BBOX1: variants seen among roughly 807,000 people sequenced by gnomAD.
The protein encoded by BBOX1 is gamma-butyrobetaine dioxygenase.
Under a neutral mutation model 41.6 loss-of-function variants are expected in BBOX1, and 35 were observed. The observed-to-expected ratio is 0.84, with a 90% CI of 0.64 to 1.11. The LOEUF is 1.11. BBOX1 is among the 50% of genes most tolerant of loss of function. BBOX1 has a pLI of 0.00. For synonymous variants in BBOX1, 163 were observed against 154.7 expected, an observed-to-expected ratio of 1.05 and a Z score of -0.40; for missense variants, 458 against 460.6, an observed-to-expected ratio of 0.99 and a Z score of 0.05.
intron 5 of BBOX1, among the ~76,000 whole-genome samples, chr11:27,100,338 A>G (rs940956739): frequency 2.6e-5 from 4 of 152,080 alleles, no homozygotes; most frequent in African/African-American, 9.7e-5. Flanking sequence ...TGCTTGAGAA[A>G]ACCACCCAGC....
chr11:27,053,527 C>T (rs542250107), intron 2 of BBOX1, among the ~76,000 whole-genome samples: 44 of 152,302 alleles, frequency 2.9e-4, no homozygotes, highest in Admixed American at 9.2e-4. Flanking sequence ...ACATATTTGC[C>T]ATCCCTTGAC....
intron 2 of BBOX1, among the ~76,000 whole-genome samples, chr11:27,044,993 G>C (rs1851448747): frequency 6.6e-6 from 1 of 152,182 alleles, no homozygotes; most frequent in Non-Finnish European, 1.5e-5. Context: ...GATGGGGATA[G>C]CATTGAATCT....
At chr11:27,078,996 T>G (rs1857735134) in intron 4 of BBOX1, among the ~76,000 whole-genome samples, 1 of 152,116 alleles carries the variant, frequency 6.6e-6, no homozygotes, top group South Asian at 2.1e-4. Flanking sequence ...CTGTCTCCCC[T>G]TTTTCTTCTA....
chr11:27,096,089 C>T (rs1366284331), intron 5 of BBOX1, among the ~76,000 whole-genome samples: 1 of 151,892 alleles, frequency 6.6e-6, no homozygotes, highest in Non-Finnish European at 1.5e-5. Context: ...GGTTGAGAAC[C>T]TCTGGCTGAA....
chr11:27,101,501 C>T (rs759894491), intron 5 of BBOX1, among the ~76,000 whole-genome samples: 4 of 152,060 alleles, frequency 2.6e-5, no homozygotes, highest in Non-Finnish European at 5.9e-5. Flanking sequence ...AATTATTTCA[C>T]ATTTTTGCAA....
At chr11:27,045,431 T>C (rs144196284) in intron 2 of BBOX1, among the ~76,000 whole-genome samples, 4 of 152,330 alleles carry the variant, frequency 2.6e-5, no homozygotes, top group African/African-American at 9.6e-5. Context: ...TTCTTTCTCT[T>C]GACTGATCAC....
chr11:27,049,284 T>C (rs181909222), intron 2 of BBOX1, among the ~76,000 whole-genome samples: 145 of 152,316 alleles, frequency 9.5e-4, no homozygotes, highest in Non-Finnish European at 1.8e-3. Context: ...AGATGTGAGA[T>C]GATCTCATGA....
chr11:27,067,088 G>A (rs1428906743), intron 4 of BBOX1, among the ~76,000 whole-genome samples: 1 of 152,004 alleles, frequency 6.6e-6, no homozygotes, highest in African/African-American at 2.4e-5. Context: ...TGCAATGTTG[G>A]GTGAAGGGTA....
At chr11:27,108,389 T>C (rs557754078) in intron 5 of BBOX1, among the ~76,000 whole-genome samples, 2 of 152,252 alleles carry the variant, frequency 1.3e-5, no homozygotes, top group South Asian at 4.1e-4. Flanking sequence ...CATTTCCTAT[T>C]GATCGTGCAA....
At chr11:27,125,125 T>A (rs1859605314) in intron 7 of BBOX1, among the ~76,000 whole-genome samples, 1 of 152,164 alleles carries the variant, frequency 6.6e-6, no homozygotes, top group Non-Finnish European at 1.5e-5. Flanking sequence ...ATAGAAAGAA[T>A]ATACCTCAGG....
At chr11:27,048,192 T>C (rs1038444358) in intron 2 of BBOX1, among the ~76,000 whole-genome samples, 6 of 152,142 alleles carry the variant, frequency 3.9e-5, no homozygotes, top group African/African-American at 1.4e-4. Flanking sequence ...GTCACTATAT[T>C]GTACATCGGA....
At chr11:27,056,817 C>T (rs1337865204) in intron 3 of BBOX1, among the ~76,000 whole-genome samples, 1 of 151,600 alleles carries the variant, frequency 6.6e-6, no homozygotes, top group African/African-American at 2.4e-5. Flanking sequence ...CCTGTAATCC[C>T]AGCACTTTGG....
At chr11:27,093,138 A>T (rs778348561) in intron 4 of BBOX1, 30 bp from the exon 5 acceptor site, 1 of 1,591,722 alleles carries the variant, frequency 6.3e-7, no homozygotes, top group African/African-American at 1.3e-5. Flanking sequence ...ATGTAATCCC[A>T]TCTGATTTCT....
intron 2 of BBOX1, among the ~76,000 whole-genome samples, chr11:27,051,900 T>C (rs1045966934): frequency 2.6e-5 from 4 of 152,060 alleles, no homozygotes; most frequent in Admixed American, 1.3e-4. Context: ...TAAGATCTTT[T>C]TTTATTTTTT....
intron 5 of BBOX1, among the ~76,000 whole-genome samples, chr11:27,109,314 T>C (rs1858973500): frequency 6.6e-6 from 1 of 152,056 alleles, no homozygotes; most frequent in South Asian, 2.1e-4. Context: ...CCTTTCTTAT[T>C]TGTTACAAGT....
At chr11:27,093,103 G>A in intron 4 of BBOX1, 65 bp from the exon 5 acceptor site, 3 of 1,468,782 alleles carry the variant, frequency 2.0e-6, no homozygotes, top group Non-Finnish European at 2.8e-6. Flanking sequence ...CCCCTTCTCT[G>A]AGGTTATCGT....
intron 6 of BBOX1, among the ~76,000 whole-genome samples, chr11:27,118,924 CAAA>C (rs11396790): frequency 7.2e-6 from 1 of 139,104 alleles, no homozygotes; most frequent in Admixed American, 7.2e-5. Context: ...GTTCCTTCCT[CAAA>C]AAAAAAAAAA....
chr11:27,077,791 C>T (rs1475283000), intron 4 of BBOX1, among the ~76,000 whole-genome samples: 1 of 151,980 alleles, frequency 6.6e-6, no homozygotes, highest in Non-Finnish European at 1.5e-5. Flanking sequence ...TTAAGTTAGG[C>T]TTATGGAGGG....
chr11:27,049,248 G>A (rs927662095), intron 2 of BBOX1, among the ~76,000 whole-genome samples: 2 of 151,686 alleles, frequency 1.3e-5, no homozygotes, highest in African/African-American at 4.8e-5. Flanking sequence ...CTTATCTTTT[G>A]TCTTTTTGAC....
Sources: allele counts gnomAD v4.1 joint callset (sites outside exome capture counted in the v4.1 genomes callset), GRCh38; gene constraint gnomAD v4.1.1; transcripts MANE v1.5; gene names NCBI Gene and HGNC (gene_info 2026-07-23, HGNC 2026-07-21).